The following NXPE2 variants were observed in gnomAD, a reference collection of about 807,000 sequenced individuals.
NXPE2 encodes the protein NXPE family member 2.
NXPE2 carries 34 observed loss-of-function variants against 34.4 expected under a neutral mutation model. The ratio of observed to expected loss-of-function variants is 0.99; its 90% CI spans 0.75 to 1.31. The LOEUF (loss-of-function observed/expected upper bound fraction) is 1.31. Among genes scored for constraint, NXPE2 ranks in the 40% most tolerant of loss-of-function variants. The pLI is 0.00. For missense variants in NXPE2, 649 were observed against 672.5 expected (o/e 0.97, Z 0.39); for synonymous variants, 235 against 231.3 (o/e 1.02, Z -0.15).
At chr11:114,747,756 T>C in the NXPE2 span, among the ~76,000 whole-genome samples, 1 of 152,128 alleles carries the variant, frequency 6.6e-6, no homozygotes, top group Non-Finnish European at 1.5e-5. Flanking sequence ...GAATTACAAT[T>C]TGAGATGAGA....
chr11:114,538,790 G>T, the NXPE2 span, among the ~76,000 whole-genome samples: 1 of 152,122 alleles, frequency 6.6e-6, no homozygotes, highest in African/African-American at 2.4e-5. Flanking sequence ...AACAACAGGT[G>T]CTGGAGAGGA....
chr11:114,523,691 T>C, the NXPE2 span, among the ~76,000 whole-genome samples: 1 of 152,188 alleles, frequency 6.6e-6, no homozygotes, highest in African/African-American at 2.4e-5. Context: ...TCAGGCTCTG[T>C]TTGCACATGG....
the NXPE2 span, among the ~76,000 whole-genome samples, chr11:114,765,089 A>G: frequency 6.6e-6 from 1 of 152,076 alleles, no homozygotes; most frequent in Admixed American, 6.5e-5. Context: ...CAATCTCTGT[A>G]TCTCAGAAAG....
chr11:114,782,348 G>A, the NXPE2 span, among the ~76,000 whole-genome samples: 2 of 152,180 alleles, frequency 1.3e-5, no homozygotes, highest in Non-Finnish European at 2.9e-5. Context: ...GCCCAGCTGA[G>A]AGGCAGGATT....
At chr11:114,764,098 T>C in the NXPE2 span, among the ~76,000 whole-genome samples, 1 of 152,118 alleles carries the variant, frequency 6.6e-6, no homozygotes, top group Non-Finnish European at 1.5e-5. Context: ...GGTGCAAATA[T>C]AGCTCATTAG....
chr11:114,739,901 A>C, the NXPE2 span, among the ~76,000 whole-genome samples: 3 of 152,192 alleles, frequency 2.0e-5, no homozygotes, highest in Admixed American at 6.5e-5. Flanking sequence ...TCACGTTGTC[A>C]AAAATGGCAG....
the NXPE2 span, chr11:114,522,290 T>C: frequency 3.1e-6 from 5 of 1,613,940 alleles, no homozygotes; most frequent in African/African-American, 5.3e-5. Flanking sequence ...TGGTCTAAAG[T>C]GCTGGCCAAA....
the NXPE2 span, among the ~76,000 whole-genome samples, chr11:114,778,089 T>TTAAC: frequency 1.3e-5 from 2 of 152,192 alleles, no homozygotes; most frequent in African/African-American, 4.8e-5. Context: ...ATATGAGGAT[T>TTAAC]TAACTTAGAT....
At chr11:114,538,665 C>T in the NXPE2 span, among the ~76,000 whole-genome samples, 3 of 152,092 alleles carry the variant, frequency 2.0e-5, no homozygotes, top group East Asian at 5.8e-4. Context: ...TTTATGCAGC[C>T]AAAAAACACG....
the NXPE2 span, among the ~76,000 whole-genome samples, chr11:114,809,568 C>A: frequency 3.6e-5 from 2 of 54,944 alleles, 1 homozygote; most frequent in African/African-American, 1.1e-4. Flanking sequence ...AGAGCCAAAT[C>A]ATGAGAGAAC....
At chr11:114,641,633 A>G in the NXPE2 span, among the ~76,000 whole-genome samples, 1 of 152,062 alleles carries the variant, frequency 6.6e-6, no homozygotes, top group African/African-American at 2.4e-5. Context: ...TGGAAAAAGT[A>G]GAAATCAAGA....
chr11:114,630,970 T>A, the NXPE2 span, among the ~76,000 whole-genome samples: 11 of 150,704 alleles, frequency 7.3e-5, no homozygotes, highest in East Asian at 2.1e-3. Flanking sequence ...AAAACCACAA[T>A]GAGATACCAT....
the NXPE2 span, chr11:114,521,652 T>C: frequency 2.0e-5 from 5 of 250,328 alleles, no homozygotes; most frequent in Non-Finnish European, 2.3e-5. Context: ...CTAGGAAATA[T>C]CTATATTGGA....
the NXPE2 span, among the ~76,000 whole-genome samples, chr11:114,719,539 T>C: frequency 6.6e-6 from 1 of 152,230 alleles, no homozygotes; most frequent in African/African-American, 2.4e-5. Flanking sequence ...TGTGCACACC[T>C]GATGTGAATC....
At chr11:114,515,091 T>A in the NXPE2 span, among the ~76,000 whole-genome samples, 5 of 152,262 alleles carry the variant, frequency 3.3e-5, no homozygotes, top group South Asian at 6.2e-4. Flanking sequence ...TTTATTTTGT[T>A]CTTTGGTTAG....
chr11:114,788,175 T>C, the NXPE2 span, among the ~76,000 whole-genome samples: 1 of 152,208 alleles, frequency 6.6e-6, no homozygotes, highest in African/African-American at 2.4e-5. Flanking sequence ...ATAGAGCTGC[T>C]GCCCCCAGCA....
At chr11:114,689,156 A>G (rs534952403) in intron 2 of NXPE2, among the ~76,000 whole-genome samples, 9 of 151,388 alleles carry the variant, frequency 5.9e-5, no homozygotes, top group African/African-American at 1.2e-4. Context: ...TTGTTTTTCT[A>G]TTTCCTTTAG....
At chr11:114,542,619 T>C in the NXPE2 span, among the ~76,000 whole-genome samples, 1 of 152,118 alleles carries the variant, frequency 6.6e-6, no homozygotes, top group Non-Finnish European at 1.5e-5. Context: ...TGCCTTATAG[T>C]TATTAACTGA....
chr11:114,812,153 C>A, the NXPE2 span, among the ~76,000 whole-genome samples: 2 of 152,176 alleles, frequency 1.3e-5, no homozygotes, highest in East Asian at 1.9e-4. Context: ...CTGCCCCAGG[C>A]CAAGATTAGT....
Sources: allele counts gnomAD v4.1 joint callset (sites outside exome capture counted in the v4.1 genomes callset), GRCh38; gene constraint gnomAD v4.1.1; transcripts MANE v1.5; gene names NCBI Gene and HGNC (gene_info 2026-07-23, HGNC 2026-07-21).